NEU3: variants seen among roughly 807,000 people sequenced by gnomAD.
The protein encoded by NEU3 is neuraminidase 3.
Under a neutral mutation model 11.4 loss-of-function variants are expected in NEU3, and 10 were observed. The ratio of observed to expected loss-of-function variants is 0.88; its 90% confidence interval spans 0.54 to 1.49. The LOEUF is 1.49. NEU3 is among the 40% of genes most tolerant of loss of function. NEU3 has a pLI of 0.00. For missense variants in NEU3, 529 were observed against 581.8 expected (o/e 0.91, Z 0.93); for synonymous variants, 212 against 228.2 (o/e 0.93, Z 0.64).
At chr11:75,015,480 CA>C (rs887924716), downstream of NEU3, among the ~76,000 whole-genome samples, 1 of 152,024 alleles carries the variant, frequency 6.6e-6, no homozygotes, top group East Asian at 1.9e-4. Context: ...TTTAAAAAAA[CA>C]AAAAAAGTTT....
chr11:75,005,695 G>A lies in NEU3; in HGVS notation c.589G>A (p.Gly197Ser). ...KHWATFAVGP[G>S]HGIQLQSGRL... Reference sequence around the variant, plus strand: ...CTGGGCCACATTTGCTGTGGGCCCAGGTCATGGCATCCAGCTGCAGTCAGG... The same window carrying A: ...CTGGGCCACATTTGCTGTGGGCCCAAGTCATGGCATCCAGCTGCAGTCAGG... The change falls in exon 3 of 3, where the codon GGT becomes AGT. Residue 197 changes from glycine (G) to serine (S), a missense_variant. Coordinates refer to ENST00000294064, the MANE Select transcript of NEU3 (RefSeq NM_006656.6). The A allele has an allele frequency of 6.2e-7, 1 of 1,614,010 alleles. No homozygotes were observed. Among genetic ancestry groups the A allele is most frequent in the Non-Finnish European group, 8.5e-7 (1 of 1,179,890 alleles).
intron 2 of NEU3, among the ~76,000 whole-genome samples, chr11:74,997,570 G>C (rs1360329582): frequency 6.6e-6 from 1 of 151,952 alleles, no homozygotes; most frequent in African/African-American, 2.4e-5. Context: ...TTTCAGCCTG[G>C]TGTGGTGGCT....
upstream of NEU3, among the ~76,000 whole-genome samples, chr11:74,987,886 C>CTTTTTTTTTTTTTTTTTTTT (rs1256896551): frequency 6.0e-5 from 5 of 83,258 alleles, 2 homozygotes; most frequent in Non-Finnish European, 6.5e-5. Flanking sequence ...GGTTCTAGGC[C>CTTTTTTTTTTTTTTTTTTTT]TTTTTTTTTT....
At chr11:74,996,276 TTA>T (rs1206533503) in intron 2 of NEU3, among the ~76,000 whole-genome samples, 6 of 152,214 alleles carry the variant, frequency 3.9e-5, no homozygotes, top group Non-Finnish European at 8.8e-5. Flanking sequence ...ATAGTAGAAC[TTA>T]TAAATGAATC....
chr11:75,015,111 A>C (rs1459203199), downstream of NEU3, among the ~76,000 whole-genome samples: 3 of 152,130 alleles, frequency 2.0e-5, no homozygotes, highest in Non-Finnish European at 4.4e-5. Flanking sequence ...CCTAACACCC[A>C]AGATGATGGT....
chr11:74,994,719 A>T lies in NEU3; in HGVS notation c.305A>T (p.Gln102Leu), dbSNP rs1224194162. ...RRGLRIGQLVQWGPLKPLMEA... is the reference protein window; with the variant it reads ...RRGLRIGQLVLWGPLKPLMEA... Reference sequence around the variant, plus strand: ...GGGTTGAGGATTGGGCAGTTGGTACAGGTGACTCTTCATCCCAGATCTGAG... The same window carrying T: ...GGGTTGAGGATTGGGCAGTTGGTACTGGTGACTCTTCATCCCAGATCTGAG... Residue 102 changes from glutamine (Q) to leucine (L), a missense_variant and splice_region_variant, in exon 2 of 3, where the codon CAG becomes CTG. Transcript: ENST00000294064. The T allele has an allele frequency of 8.1e-6, 13 of 1,613,408 alleles. No individual in the cohort carries two copies. The highest frequency in any genetic ancestry group is 9.3e-6 in the Non-Finnish European group (11 of 1,179,420).
At chr11:75,004,389 C>T (rs974849049) in intron 2 of NEU3, 1 of 566,180 alleles carries the variant, frequency 1.8e-6, no homozygotes, top group Non-Finnish European at 3.1e-6. Flanking sequence ...CAGCATGAGC[C>T]ACTGTGCCTG....
chr11:75,015,120 G>A (rs1018037804), downstream of NEU3, among the ~76,000 whole-genome samples: 1 of 152,120 alleles, frequency 6.6e-6, no homozygotes, highest in Non-Finnish European at 1.5e-5. Context: ...CAAGATGATG[G>A]TCTTAAGAGG....
chr11:74,982,897 C>T, the NEU3 span, among the ~76,000 whole-genome samples: 1 of 152,110 alleles, frequency 6.6e-6, no homozygotes, highest in Admixed American at 6.5e-5. Flanking sequence ...CCACCTCCTC[C>T]TTCCACCACC....
At chr11:74,989,230 CGTTTGGG>C in intron 1 of NEU3, 76 bp downstream of exon 1, 1 of 1,242,864 alleles carries the variant, frequency 8.0e-7, no homozygotes, top group Non-Finnish European at 1.1e-6. Flanking sequence ...AGACCATCTG[CGTTTGGG>C]AAATCCAGCC....
At chr11:75,015,600 C>G (rs1042343228), downstream of NEU3, among the ~76,000 whole-genome samples, 1 of 152,134 alleles carries the variant, frequency 6.6e-6, no homozygotes, top group Non-Finnish European at 1.5e-5. Context: ...CCAAGTAATG[C>G]CGATGCTGCA....
upstream of NEU3, among the ~76,000 whole-genome samples, chr11:74,984,497 A>G (rs1948655033): frequency 6.6e-6 from 1 of 152,206 alleles, no homozygotes; most frequent in South Asian, 2.1e-4. Context: ...ACAGGTAGTA[A>G]CAGGCTATCT....
At chr11:74,994,897 A>T (rs1454482880) in intron 2 of NEU3, 177 bp downstream of exon 2, 1 of 709,010 alleles carries the variant, frequency 1.4e-6, no homozygotes, top group African/African-American at 1.7e-5. Flanking sequence ...CCAGGGGCAC[A>T]TTGGGTCCTC....
intron 1 of NEU3, chr11:74,989,991 G>A (rs935031389): frequency 1.0e-5 from 7 of 702,308 alleles, no homozygotes; most frequent in Non-Finnish European, 1.6e-5. Flanking sequence ...CGTTTTGGGT[G>A]GCAATGCCAG....
Position 75,010,241 on chromosome 11 carries a change from T to TTA in NEU3, c.*3751_*3752dup, listed in dbSNP as rs1202736079. Reference sequence around the variant, plus strand: ...CCTTTTTACCTTGAATCACAGTGGCTTATCTAAAAATATAAGCTTTTTTCT... The same window carrying TTA: ...CCTTTTTACCTTGAATCACAGTGGCTTATATCTAAAAATATAAGCTTTTTTCT... On this transcript the variant is annotated 3_prime_UTR_variant, in exon 3 of 3. Transcript: ENST00000294064. The TTA allele has an allele frequency of 2.6e-5, 4 of 152,250 alleles. No homozygotes were observed. Among genetic ancestry groups the TTA allele is most frequent in the African/African-American group, 7.2e-5 (3 of 41,472 alleles). The allele number at this position is 152,250 out of a possible 1,614,324, so 9.4% of individuals were successfully genotyped here.
intron 1 of NEU3, chr11:74,989,848 G>A (rs909174187): frequency 9.3e-6 from 6 of 641,910 alleles, no homozygotes; most frequent in Admixed American, 4.6e-5. Context: ...GTAAGAAAGC[G>A]GGAAGGACTT....
rs1053030199 is a variant in NEU3, at chr11:75,010,771, A to G, written c.*4279A>G. The G allele has an allele frequency of 2.0e-5, 3 of 152,132 alleles. No individual in the cohort carries two copies. The highest frequency in any genetic ancestry group is 6.5e-5 in the Admixed American group (1 of 15,270). 9.4% of individuals were successfully genotyped at this position (152,132 alleles called of 1,614,324 possible). A position where few individuals can be genotyped will look rare whatever the true frequency, so the allele number is the denominator to read the frequency against. On this transcript the variant is annotated 3_prime_UTR_variant, in exon 3 of 3. Coordinates refer to ENST00000294064, the MANE Select transcript of NEU3 (RefSeq NM_006656.6). ...ATAGTTACTAGTTTTCCAGGCCTCCAAGGGAGATTCTGAGGCTTGATGTGT... is the reference window on the plus strand; with the variant it reads ...ATAGTTACTAGTTTTCCAGGCCTCCGAGGGAGATTCTGAGGCTTGATGTGT...
intron 2 of NEU3, among the ~76,000 whole-genome samples, chr11:75,001,858 A>T (rs1948847170): frequency 6.6e-6 from 1 of 152,208 alleles, no homozygotes; most frequent in Non-Finnish European, 1.5e-5. Context: ...AAGTAAGCTG[A>T]CTTGATCACA....
At chr11:75,016,357 T>C (rs1948981373) in intron 3 of NEU3, among the ~76,000 whole-genome samples, 1 of 152,174 alleles carries the variant, frequency 6.6e-6, no homozygotes, top group South Asian at 2.1e-4. Flanking sequence ...CAGATTCAGA[T>C]TTCTTTGGGG....
Sources: allele counts gnomAD v4.1 joint callset (sites outside exome capture counted in the v4.1 genomes callset), GRCh38; gene constraint gnomAD v4.1.1; transcripts MANE v1.5; gene names NCBI Gene and HGNC (gene_info 2026-07-23, HGNC 2026-07-21).